The following NEGR1 variants were observed in gnomAD, a reference collection of about 807,000 sequenced individuals.
NEGR1 encodes IgLON family member 4.
A neutral mutation model predicts 40.9 loss-of-function variants in NEGR1; 10 were observed. The observed-to-expected ratio is 0.24, with a 90% CI of 0.15 to 0.42. The LOEUF is 0.42. Among genes scored for constraint, NEGR1 ranks in the 10% least tolerant of loss-of-function variants. The pLI is 1.00. For missense variants in NEGR1, 352 were observed against 438.9 expected, an observed-to-expected ratio of 0.80 and a Z score of 1.77; for synonymous variants, 185 against 166.8, an observed-to-expected ratio of 1.11 and a Z score of -0.84.
In NEGR1 at chr1:71,507,050, G is replaced by A. The variant is rs145274800; in HGVS notation, c.940+85767C>T. ...CAAAGCAGGGTCTAATAAATAGGAG[G>A]GGAAAAGAATTCATACATGGAGAAC... On this transcript the variant is annotated intron_variant, in intron 6 of 6. Coordinates refer to ENST00000357731, the MANE Select transcript of NEGR1 (RefSeq NM_173808.3). Among the ~76,000 whole-genome samples, 400 of 152,258 alleles carry A rather than the reference G, an allele frequency of 2.6e-3. 1 individual carries two copies. Among genetic ancestry groups the A allele is most frequent in the African/African-American group, 8.1e-3 (337 of 41,558 alleles).
intron 6 of NEGR1, among the ~76,000 whole-genome samples, chr1:71,492,628 G>T (rs924490832): frequency 5.3e-5 from 8 of 151,828 alleles, no homozygotes; most frequent in African/African-American, 1.9e-4. Context: ...ACACGGATTT[G>T]ACTCAGATTT....
intron 4 of NEGR1, among the ~76,000 whole-genome samples, chr1:71,674,611 C>CAA (rs1482486197): frequency 6.6e-6 from 1 of 151,696 alleles, no homozygotes; most frequent in Non-Finnish European, 1.5e-5. Context: ...CACACACACA[C>CAA]ACACACACAA....
At chr1:72,088,955 G>A (rs1218363272) in intron 1 of NEGR1, among the ~76,000 whole-genome samples, 1 of 151,820 alleles carries the variant, frequency 6.6e-6, no homozygotes, top group Non-Finnish European at 1.5e-5. Flanking sequence ...GATTACAGGT[G>A]TTAGCCACAG....
intron 2 of NEGR1, among the ~76,000 whole-genome samples, chr1:71,909,720 G>A (rs1661372158): frequency 3.9e-5 from 6 of 152,104 alleles, no homozygotes; most frequent in Admixed American, 3.3e-4. Context: ...GATTTATCTT[G>A]TTACTTCCAA....
chr1:71,754,561 C>A (rs1451887765), intron 3 of NEGR1, among the ~76,000 whole-genome samples: 2 of 151,990 alleles, frequency 1.3e-5, no homozygotes, highest in Non-Finnish European at 2.9e-5. Context: ...GAATAGCATC[C>A]CTATCTGGAA....
At chr1:71,506,833 T>C (rs931744324) in intron 6 of NEGR1, among the ~76,000 whole-genome samples, 4 of 152,078 alleles carry the variant, frequency 2.6e-5, no homozygotes, top group Admixed American at 6.5e-5. Context: ...AAAACCATAA[T>C]GGTTATGCTG....
intron 1 of NEGR1, among the ~76,000 whole-genome samples, chr1:72,135,404 CA>C (rs562148946): frequency 1.5e-4 from 10 of 65,788 alleles, no homozygotes; most frequent in African/African-American, 3.1e-4. Flanking sequence ...AAACAAAAAA[CA>C]AAAAAAAAAA....
At chr1:71,636,037 T>A (rs1013203953) in intron 4 of NEGR1, among the ~76,000 whole-genome samples, 1 of 152,114 alleles carries the variant, frequency 6.6e-6, no homozygotes, top group African/African-American at 2.4e-5. Context: ...ATCTTTCTCA[T>A]ATACATATAA....
intron 1 of NEGR1, among the ~76,000 whole-genome samples, chr1:71,979,085 T>A (rs1354252899): frequency 2.0e-5 from 3 of 152,128 alleles, no homozygotes; most frequent in African/African-American, 7.2e-5. Flanking sequence ...GAGGCCATCA[T>A]CCTTAGCAAA....
At position 71,505,806 on chromosome 1, in the gene NEGR1, T is replaced by C. The variant is rs186879412; in HGVS notation, c.940+87011A>G. Among the ~76,000 whole-genome samples, 3 of 152,158 alleles carry C rather than the reference T, an allele frequency of 2.0e-5. 1 individual carries two copies. In the South Asian group the frequency reaches 6.2e-4, roughly 32 times the overall value. On this transcript the variant is annotated intron_variant, in intron 6 of 6. Coordinates refer to ENST00000357731, the MANE Select transcript of NEGR1 (RefSeq NM_173808.3). ...TCATTTGGTCAGACCTTAGAAAAAGTCCTGGATGAATTCCAACCTTCCAGG... is the reference window on the plus strand; with the variant it reads ...TCATTTGGTCAGACCTTAGAAAAAGCCCTGGATGAATTCCAACCTTCCAGG...
chr1:72,099,633 G>T (rs1390813216), intron 1 of NEGR1, among the ~76,000 whole-genome samples: 1 of 151,774 alleles, frequency 6.6e-6, no homozygotes, highest in Non-Finnish European at 1.5e-5. Flanking sequence ...CTCCTCACAG[G>T]TCTAATATTT....
chr1:71,849,370 G>A (rs1043522025), intron 2 of NEGR1, among the ~76,000 whole-genome samples: 2 of 152,148 alleles, frequency 1.3e-5, no homozygotes, highest in South Asian at 4.1e-4. Flanking sequence ...AAAAGTACTG[G>A]AATTCGAAGT....
At chr1:72,055,066 A>G (rs1647098043) in intron 1 of NEGR1, among the ~76,000 whole-genome samples, 1 of 151,214 alleles carries the variant, frequency 6.6e-6, no homozygotes, top group South Asian at 2.1e-4. Context: ...AACACATTCA[A>G]TAGGTGACGT....
At chr1:71,786,949 C>T (rs955855311) in intron 2 of NEGR1, among the ~76,000 whole-genome samples, 8 of 152,214 alleles carry the variant, frequency 5.3e-5, no homozygotes, top group African/African-American at 1.7e-4. Context: ...GGTGTCACCA[C>T]CTCGGGGCTA....
At chr1:71,481,749 T>C (rs558574995) in intron 6 of NEGR1, among the ~76,000 whole-genome samples, 2 of 152,044 alleles carry the variant, frequency 1.3e-5, no homozygotes, top group African/African-American at 4.8e-5. Context: ...TTTAAGCATT[T>C]TTTGAGGTGC....
At chr1:71,610,962 A>C (rs190127810) in intron 5 of NEGR1, 64 bp downstream of exon 5, 3 of 1,541,680 alleles carry the variant, frequency 1.9e-6, no homozygotes, top group Non-Finnish European at 1.8e-6. Context: ...TAAAGTAAGT[A>C]TCTGAAACAC....
chr1:71,528,270 T>C (rs1647251702), intron 6 of NEGR1, among the ~76,000 whole-genome samples: 1 of 151,380 alleles, frequency 6.6e-6, no homozygotes, highest in African/African-American at 2.4e-5. Flanking sequence ...TTCATATATG[T>C]GAAGATTTCC....
chr1:71,566,384 C>G (rs1242237703), intron 6 of NEGR1, among the ~76,000 whole-genome samples: 1 of 152,082 alleles, frequency 6.6e-6, no homozygotes, highest in African/African-American at 2.4e-5. Context: ...ACAGAGAAGA[C>G]AGCAACTAGA....
chr1:71,928,550 AT>A, intron 2 of NEGR1, among the ~76,000 whole-genome samples: 1 of 89,828 alleles, frequency 1.1e-5, no homozygotes, highest in Non-Finnish European at 2.3e-5. Context: ...ATATATACAC[AT>A]ATGTGTATAT....
Sources: gnomAD v4.1 joint callset for allele counts (sites outside exome capture counted in the v4.1 genomes callset) on GRCh38, gnomAD v4.1.1 for gene constraint, MANE v1.5 for transcripts, NCBI Gene and HGNC (gene_info 2026-07-23, HGNC 2026-07-21) for gene names.